Variants in IL1R1 observed in about 807,000 individuals in gnomAD.
The protein encoded by IL1R1 is interleukin 1 receptor type 1, also known as interleukin-1 receptor type 1.
In IL1R1, 22 loss-of-function variants were observed where a neutral mutation model predicts 50.2. The observed-to-expected ratio is 0.44, with a 90% CI of 0.31 to 0.63. The LOEUF (loss-of-function observed/expected upper bound fraction) is 0.63. Ranked by LOEUF, IL1R1 falls within the 20% of genes least tolerant of loss-of-function variation. IL1R1 has a pLI of 0.07. For synonymous variants in IL1R1, 251 were observed against 236.7 expected (o/e 1.06, Z -0.55); for missense variants, 509 against 676.2 (o/e 0.75, Z 2.74).
At position 102,165,090 on chromosome 2, in the gene IL1R1, A is replaced by G. The variant is rs777543301; in HGVS notation, c.297-25A>G. On this transcript the variant is annotated intron_variant, in intron 4 of 11. Transcript: ENST00000410023. The stretch of plus-strand genomic sequence containing the variant: ...ACAGAAATACTTTTAATAATGCTTA[A>G]CTTACCTATTTTATTTTATTTTAGA... 3 of 1,546,190 alleles carry G rather than the reference A, an allele frequency of 1.9e-6. No individual in the cohort carries two copies. The African/African-American group carries it at 4.2e-5, about 21-fold the overall frequency.
intron 1 of IL1R1, among the ~76,000 whole-genome samples, chr2:102,136,475 C>T (rs953058002): frequency 2.9e-4 from 42 of 145,874 alleles, no homozygotes; most frequent in African/African-American, 1.1e-3. Context: ...CTCCTGGGTT[C>T]AAGCGATTCT....
At chr2:102,074,315 T>G (rs1169132624) in intron 1 of IL1R1, among the ~76,000 whole-genome samples, 1 of 151,528 alleles carries the variant, frequency 6.6e-6, no homozygotes, top group Non-Finnish European at 1.5e-5. Flanking sequence ...GCTGGTGAGG[T>G]TCCATATGGT....
intron 3 of IL1R1, among the ~76,000 whole-genome samples, chr2:102,160,706 A>G (rs940703381): frequency 5.9e-5 from 9 of 152,198 alleles, no homozygotes; most frequent in Non-Finnish European, 1.3e-4. Context: ...CAAAGCCTGC[A>G]AAAATGGTTC....
At chr2:102,175,428 A>G (rs1217821541) in intron 10 of IL1R1, 50 bp from the exon 11 acceptor site, 1 of 1,401,180 alleles carries the variant, frequency 7.1e-7, no homozygotes, top group South Asian at 1.2e-5. Flanking sequence ...ACTTTATCAA[A>G]TCTCTTATTT....
intron 1 of IL1R1, among the ~76,000 whole-genome samples, chr2:102,111,332 C>T (rs1297914909): frequency 1.3e-5 from 2 of 152,152 alleles, no homozygotes; most frequent in Non-Finnish European, 2.9e-5. Context: ...CACAGTGGGG[C>T]CGCTGCTGCA....
intron 1 of IL1R1, among the ~76,000 whole-genome samples, chr2:102,114,923 T>C (rs893280262): frequency 6.6e-6 from 1 of 152,196 alleles, no homozygotes; most frequent in South Asian, 2.1e-4. Flanking sequence ...GAGTTCCCTT[T>C]CTTGGCTGGG....
chr2:102,094,021 A>AAACC (rs952967193), intron 1 of IL1R1, among the ~76,000 whole-genome samples: 15 of 152,182 alleles, frequency 9.9e-5, no homozygotes, highest in East Asian at 3.8e-4. Context: ...AAACAAAACA[A>AAACC]AACCAACCAA....
intron 1 of IL1R1, among the ~76,000 whole-genome samples, chr2:102,143,459 G>T (rs1447419237): frequency 6.6e-6 from 1 of 152,228 alleles, no homozygotes; most frequent in African/African-American, 2.4e-5. Flanking sequence ...TGGTGCTAGG[G>T]AATGTAGCTA....
chr2:102,072,269 A>G (rs1380788125), intron 1 of IL1R1, among the ~76,000 whole-genome samples: 1 of 152,090 alleles, frequency 6.6e-6, no homozygotes, highest in Non-Finnish European at 1.5e-5. Flanking sequence ...CACCAAAAAA[A>G]AAAAAAAAGA....
chr2:102,165,781 A>G (rs1685130762), intron 5 of IL1R1, among the ~76,000 whole-genome samples: 1 of 152,220 alleles, frequency 6.6e-6, no homozygotes, highest in South Asian at 2.1e-4. Flanking sequence ...TGTAGAGCTT[A>G]AGACGTACTA....
chr2:102,086,759 C>G (rs1295960677), intron 1 of IL1R1, among the ~76,000 whole-genome samples: 1 of 152,158 alleles, frequency 6.6e-6, no homozygotes, highest in African/African-American at 2.4e-5. Flanking sequence ...CCCTTTCTCT[C>G]TCAAAGATTT....
intron 1 of IL1R1, among the ~76,000 whole-genome samples, chr2:102,148,925 A>G (rs1248432244): frequency 6.6e-6 from 1 of 151,868 alleles, no homozygotes; most frequent in African/African-American, 2.4e-5. Flanking sequence ...AGTCTGGGTA[A>G]CAGAGCAAGA....
chr2:102,107,307 C>A (rs1680472156), intron 1 of IL1R1, among the ~76,000 whole-genome samples: 1 of 152,122 alleles, frequency 6.6e-6, no homozygotes, highest in Non-Finnish European at 1.5e-5. Context: ...GAATACTATG[C>A]AGCCATGAAA....
At chr2:102,099,602 T>C (rs568441410), upstream of IL1R1, among the ~76,000 whole-genome samples, 13 of 152,264 alleles carry the variant, frequency 8.5e-5, no homozygotes, top group Middle Eastern at 3.4e-3. Flanking sequence ...GCCTTTGTTA[T>C]TGTTTTCTCT....
upstream of IL1R1, among the ~76,000 whole-genome samples, chr2:102,104,224 C>T (rs1264243566): frequency 6.6e-6 from 1 of 152,016 alleles, no homozygotes; most frequent in Admixed American, 6.6e-5. Flanking sequence ...CACGAGCAGA[C>T]CTGAATAAAG....
At chr2:102,071,780 T>C (rs1678731222) in intron 1 of IL1R1, among the ~76,000 whole-genome samples, 2 of 152,158 alleles carry the variant, frequency 1.3e-5, no homozygotes. Flanking sequence ...AGAAATGCCA[T>C]GCCTTAATGT....
At chr2:102,161,403 TCTA>T (rs1684713031) in intron 3 of IL1R1, among the ~76,000 whole-genome samples, 1 of 152,192 alleles carries the variant, frequency 6.6e-6, no homozygotes, top group African/African-American at 2.4e-5. Context: ...AATGTAATGT[TCTA>T]CTGTTGTTGG....
Position 102,178,281 on chromosome 2 carries a change from G to C in IL1R1, c.*1522G>C, listed in dbSNP as rs199650488. 9.2e-5 allele frequency: 14 copies of C among 152,318 alleles called. No homozygotes were observed. Among genetic ancestry groups the C allele is most frequent in the Admixed American group, 4.6e-4 (7 of 15,270 alleles). The allele number at this position is 152,318 out of a possible 1,614,324, so 9.4% of individuals were successfully genotyped here. A position where few individuals can be genotyped will look rare whatever the true frequency, so the allele number is the denominator to read the frequency against. ...GGTGGTGAGCACATCTGGGAGGCTG[G>C]TCTCCCTCCAGCTGGAATTGCTGCT... On this transcript the variant is annotated 3_prime_UTR_variant, in exon 12 of 12. Coordinates refer to ENST00000410023, the MANE Select transcript of IL1R1 (RefSeq NM_000877.4).
At chr2:102,124,164 G>A (rs1681559211) in intron 1 of IL1R1, among the ~76,000 whole-genome samples, 1 of 152,124 alleles carries the variant, frequency 6.6e-6, no homozygotes, top group Non-Finnish European at 1.5e-5. Context: ...GCTCATACCT[G>A]TGGTCTCAGC....
Sources: gnomAD v4.1 joint callset for allele counts (sites outside exome capture counted in the v4.1 genomes callset) on GRCh38, gnomAD v4.1.1 for gene constraint, MANE v1.5 for transcripts, NCBI Gene and HGNC (gene_info 2026-07-23, HGNC 2026-07-21) for gene names.